The following CLSTN2 variants were observed in gnomAD, a reference collection of about 807,000 sequenced individuals.
CLSTN2 encodes calsyntenin 2, also known as calsyntenin-2.
Under a neutral mutation model 101.2 loss-of-function variants are expected in CLSTN2, and 48 were observed. The ratio of observed to expected loss-of-function variants is 0.47; its 90% confidence interval spans 0.38 to 0.60. The LOEUF is 0.60. Ranked by LOEUF, CLSTN2 falls within the 20% of genes least tolerant of loss-of-function variation. The pLI, the probability that CLSTN2 is intolerant of heterozygous loss-of-function variation, is 0.00. For synonymous variants in CLSTN2, 481 were observed against 463.6 expected (o/e 1.04, Z -0.48); for missense variants, 1,160 against 1,238.2 (o/e 0.94, Z 0.95).
chr3:140,438,379 C>T (rs73228992), intron 5 of CLSTN2, among the ~76,000 whole-genome samples: 5,049 of 121,534 alleles, frequency 0.042, 113 homozygotes, highest in Non-Finnish European at 0.054. Flanking sequence ...TCTTGTTCAG[C>T]GAAATGGGAA....
At chr3:140,542,613 T>G (rs1317927219) in intron 9 of CLSTN2, among the ~76,000 whole-genome samples, 1 of 152,168 alleles carries the variant, frequency 6.6e-6, no homozygotes, top group Non-Finnish European at 1.5e-5. Flanking sequence ...TATTTCAAAT[T>G]TTATACTGGC....
At chr3:140,464,099 C>A (rs1298702205) in intron 7 of CLSTN2, among the ~76,000 whole-genome samples, 1 of 152,064 alleles carries the variant, frequency 6.6e-6, no homozygotes, top group African/African-American at 2.4e-5. Context: ...CTCTGCAGAG[C>A]CGTTGGAAAA....
intron 2 of CLSTN2, among the ~76,000 whole-genome samples, chr3:140,301,327 A>G (rs2107909874): frequency 6.6e-6 from 1 of 152,328 alleles, no homozygotes; most frequent in African/African-American, 2.4e-5. Context: ...TTAATAACAA[A>G]TCTATTACGT....
intron 2 of CLSTN2, among the ~76,000 whole-genome samples, chr3:140,263,888 A>G (rs1452135767): frequency 1.3e-5 from 2 of 152,208 alleles, no homozygotes; most frequent in African/African-American, 2.4e-5. Flanking sequence ...GGCATTTGTT[A>G]TAAGTACCAT....
intron 2 of CLSTN2, among the ~76,000 whole-genome samples, chr3:140,315,999 T>C (rs1255394479): frequency 6.6e-6 from 1 of 152,140 alleles, no homozygotes; most frequent in East Asian, 1.9e-4. Context: ...CAGAAGATAG[T>C]GCATTTACCC....
chr3:140,560,151 G>A (rs1935881158), intron 12 of CLSTN2, among the ~76,000 whole-genome samples: 1 of 152,192 alleles, frequency 6.6e-6, no homozygotes, highest in African/African-American at 2.4e-5. Context: ...ACATAGCCAA[G>A]TGTCCAAGCG....
chr3:140,048,473 A>G (rs930243921), intron 1 of CLSTN2, among the ~76,000 whole-genome samples: 4 of 152,208 alleles, frequency 2.6e-5, no homozygotes, highest in African/African-American at 9.6e-5. Flanking sequence ...ATGGTAGCTG[A>G]CCCAAAGTAG....
At chr3:140,126,271 G>A (rs1032869500) in intron 1 of CLSTN2, among the ~76,000 whole-genome samples, 5 of 152,100 alleles carry the variant, frequency 3.3e-5, no homozygotes, top group Non-Finnish European at 7.4e-5. Flanking sequence ...AGAATGGCAT[G>A]GTGGGGGTGG....
intron 2 of CLSTN2, among the ~76,000 whole-genome samples, chr3:140,196,500 G>T (rs1324814261): frequency 5.9e-5 from 9 of 152,240 alleles, no homozygotes; most frequent in Non-Finnish European, 1.2e-4. Context: ...GTTTCCAGGG[G>T]AGAAAGAAGT....
intron 1 of CLSTN2, among the ~76,000 whole-genome samples, chr3:140,042,653 C>G (rs1007063837): frequency 6.6e-6 from 1 of 152,108 alleles, no homozygotes; most frequent in Non-Finnish European, 1.5e-5. Context: ...AGGTATATCT[C>G]CTAATGCTAT....
intron 2 of CLSTN2, among the ~76,000 whole-genome samples, chr3:140,400,936 A>G (rs1201042990): frequency 1.3e-5 from 2 of 152,206 alleles, no homozygotes; most frequent in East Asian, 3.9e-4. Context: ...TGACCAGGCC[A>G]GAATACTTTT....
intron 1 of CLSTN2, among the ~76,000 whole-genome samples, chr3:140,129,860 G>A (rs1260935855): frequency 2.0e-5 from 3 of 152,096 alleles, no homozygotes; most frequent in Non-Finnish European, 2.9e-5. Context: ...GTGATGCATC[G>A]TGGAGCCCCT....
intron 2 of CLSTN2, among the ~76,000 whole-genome samples, chr3:140,390,002 T>G (rs988609989): frequency 6.6e-6 from 1 of 152,116 alleles, no homozygotes; most frequent in Non-Finnish European, 1.5e-5. Flanking sequence ...ACAAATTATG[T>G]ATGATTAATG....
chr3:140,364,743 G>A (rs569501542), intron 2 of CLSTN2, among the ~76,000 whole-genome samples: 5 of 152,248 alleles, frequency 3.3e-5, no homozygotes, highest in South Asian at 2.1e-4. Context: ...TCACATCATC[G>A]CTTACCTTTG....
intron 1 of CLSTN2, among the ~76,000 whole-genome samples, chr3:140,134,771 G>A (rs1193095593): frequency 1.3e-5 from 2 of 152,104 alleles, no homozygotes; most frequent in African/African-American, 4.8e-5. Flanking sequence ...GGTGGAGGGA[G>A]CAGCTGTCAC....
chr3:140,250,763 C>CT (rs1360941629), intron 2 of CLSTN2, among the ~76,000 whole-genome samples: 1 of 152,146 alleles, frequency 6.6e-6, no homozygotes, highest in Non-Finnish European at 1.5e-5. Context: ...TCTTTAATCA[C>CT]TTTTTTCCCC....
chr3:139,947,848 A>AT (rs144689816), intron 1 of CLSTN2, among the ~76,000 whole-genome samples: 89,833 of 149,630 alleles, frequency 0.6, 30,789 homozygotes, highest in East Asian at 0.78. Context: ...TTGCACTTGC[A>AT]TTTTTTTTTT....
chr3:140,432,998 C>T (rs547965325), intron 5 of CLSTN2, among the ~76,000 whole-genome samples: 1 of 152,324 alleles, frequency 6.6e-6, no homozygotes, highest in South Asian at 2.1e-4. Flanking sequence ...GAGGTTAATA[C>T]ACTTGCCACA....
At chr3:140,098,922 A>G (rs1352685400) in intron 1 of CLSTN2, among the ~76,000 whole-genome samples, 2 of 152,324 alleles carry the variant, frequency 1.3e-5, no homozygotes, top group African/African-American at 4.8e-5. Context: ...CCAGATCACA[A>G]ATCCAGGCCT....
Sources: allele counts gnomAD v4.1 joint callset (sites outside exome capture counted in the v4.1 genomes callset), GRCh38; gene constraint gnomAD v4.1.1; transcripts MANE v1.5; gene names NCBI Gene and HGNC (gene_info 2026-07-23, HGNC 2026-07-21).